The following UBASH3B variants were observed in gnomAD, a reference collection of about 807,000 sequenced individuals.
UBASH3B encodes the protein ubiquitin-associated and SH3 domain-containing protein B.
In UBASH3B, 37 loss-of-function variants were observed where a neutral mutation model predicts 83.4. The observed-to-expected ratio is 0.44, with a 90% confidence interval of 0.34 to 0.58. The LOEUF is 0.58. UBASH3B is among the 20% of genes least tolerant of loss of function. UBASH3B has a pLI of 0.01. For synonymous variants in UBASH3B, 304 were observed against 318.3 expected (o/e 0.96, Z 0.48); for missense variants, 657 against 827.2 (o/e 0.79, Z 2.52).
chr11:122,789,153 G>A lies in UBASH3B; in HGVS notation c.825G>A (p.Leu275=). The change falls in exon 6 of 14, where the codon CTG becomes CTA. Residue 275 remains leucine, a synonymous_variant. Coordinates refer to ENST00000284273, the MANE Select transcript of UBASH3B (RefSeq NM_032873.5). ...YTPQNDDELE[L]VPGDFIFMSP... ...CACAAAATGACGATGAGCTGGAGCT[G>A]GTCCCCGGGGACTTCATCTTCATGT... 1 of 1,614,060 alleles carries A rather than the reference G, an allele frequency of 6.2e-7. No individual in the cohort carries two copies. Among genetic ancestry groups the A allele is most frequent in the Non-Finnish European group, 8.5e-7 (1 of 1,180,010 alleles).
intron 1 of UBASH3B, among the ~76,000 whole-genome samples, chr11:122,725,072 C>G (rs1330862376): frequency 8.7e-6 from 1 of 114,522 alleles, no homozygotes; most frequent in Non-Finnish European, 1.7e-5. Context: ...CCGATTCAAT[C>G]AATTCTCCTG....
At chr11:122,685,936 C>G (rs1286130394) in intron 1 of UBASH3B, among the ~76,000 whole-genome samples, 1 of 152,164 alleles carries the variant, frequency 6.6e-6, no homozygotes. Context: ...ATGTTACCAC[C>G]ATTTATTGAG....
intron 1 of UBASH3B, among the ~76,000 whole-genome samples, chr11:122,727,961 G>A (rs1860772840): frequency 6.6e-6 from 1 of 151,984 alleles, no homozygotes; most frequent in Non-Finnish European, 1.5e-5. Flanking sequence ...CCTCACTGGG[G>A]ACCTTCTCCT....
chr11:122,703,369 G>A (rs1454240365), intron 1 of UBASH3B, among the ~76,000 whole-genome samples: 5 of 152,024 alleles, frequency 3.3e-5, no homozygotes, highest in Non-Finnish European at 7.4e-5. Context: ...GGAGGTTGCA[G>A]TGGGCCGAGA....
At chr11:122,770,570 C>T (rs989730594) in intron 1 of UBASH3B, among the ~76,000 whole-genome samples, 4 of 151,702 alleles carry the variant, frequency 2.6e-5, no homozygotes, top group Non-Finnish European at 4.4e-5. Context: ...GGATTACAAA[C>T]GCAAAGAGAC....
chr11:122,805,839 A>T (rs1231698690), intron 11 of UBASH3B, among the ~76,000 whole-genome samples: 1 of 152,222 alleles, frequency 6.6e-6, no homozygotes, highest in Non-Finnish European at 1.5e-5. Context: ...CCCCAACCAC[A>T]GGCAGAGAAC....
intron 1 of UBASH3B, among the ~76,000 whole-genome samples, chr11:122,743,845 T>G (rs1295273217): frequency 2.0e-5 from 3 of 152,158 alleles, no homozygotes; most frequent in Non-Finnish European, 4.4e-5. Context: ...AGAAGCAGTT[T>G]CCAAAGGAGA....
chr11:122,684,194 A>G (rs1271793451), intron 1 of UBASH3B, among the ~76,000 whole-genome samples: 1 of 152,202 alleles, frequency 6.6e-6, no homozygotes, highest in Admixed American at 6.5e-5. Flanking sequence ...CTGTGTGCAC[A>G]TTCAACCCAT....
chr11:122,769,596 A>T (rs1860608066), intron 1 of UBASH3B, among the ~76,000 whole-genome samples: 1 of 152,250 alleles, frequency 6.6e-6, no homozygotes, highest in South Asian at 2.1e-4. Flanking sequence ...GCCTCAGAGC[A>T]TCCTGTGAGG....
chr11:122,757,276 T>A (rs1441281859), intron 1 of UBASH3B, among the ~76,000 whole-genome samples: 2 of 152,066 alleles, frequency 1.3e-5, no homozygotes, highest in Non-Finnish European at 1.5e-5. Flanking sequence ...AACGGGATAG[T>A]CCCCTTGTGA....
chr11:122,665,034 A>G (rs7106171), intron 1 of UBASH3B, among the ~76,000 whole-genome samples: 7,115 of 152,122 alleles, frequency 0.047, 365 homozygotes, highest in East Asian at 0.13. Flanking sequence ...TCAGCCTCCC[A>G]AGTAGCTGGG....
At chr11:122,726,568 C>G (rs769635082) in intron 1 of UBASH3B, among the ~76,000 whole-genome samples, 2 of 152,004 alleles carry the variant, frequency 1.3e-5, no homozygotes, top group Non-Finnish European at 2.9e-5. Flanking sequence ...AGGCTGGTCT[C>G]GCACTCCTGA....
At chr11:122,784,761 G>T (rs1324141843) in intron 5 of UBASH3B, among the ~76,000 whole-genome samples, 1 of 152,186 alleles carries the variant, frequency 6.6e-6, no homozygotes, top group Non-Finnish European at 1.5e-5. Context: ...GAGGTTCAGG[G>T]TTAAGCATGC....
At chr11:122,682,537 C>T (rs1453428720) in intron 1 of UBASH3B, among the ~76,000 whole-genome samples, 2 of 152,194 alleles carry the variant, frequency 1.3e-5, no homozygotes, top group Non-Finnish European at 2.9e-5. Context: ...TTGAGAAACA[C>T]TTCTTTCTCC....
intron 1 of UBASH3B, among the ~76,000 whole-genome samples, chr11:122,744,178 T>C (rs1861073324): frequency 6.6e-6 from 1 of 152,072 alleles, no homozygotes; most frequent in Admixed American, 6.6e-5. Flanking sequence ...AAACCACCAA[T>C]AGATGGAAAA....
chr11:122,692,865 AAGTGTCCG>A (rs1324876860), intron 1 of UBASH3B, among the ~76,000 whole-genome samples: 12 of 152,236 alleles, frequency 7.9e-5, no homozygotes, highest in African/African-American at 2.4e-4. Context: ...ATAGTGTGAT[AAGTGTCCG>A]AGTGAAGAGA....
At position 122,813,137 on chromosome 11, in the gene UBASH3B, GTC is replaced by G. The variant is rs1425484440; in HGVS notation, c.*3253_*3254del. 2.0e-5 allele frequency: 3 copies of G among 152,496 alleles called. No individual in the cohort carries two copies. The highest frequency in any genetic ancestry group is 4.4e-5 in the Non-Finnish European group (3 of 68,026). 9.4% of individuals were successfully genotyped at this position (152,496 alleles called of 1,614,324 possible). ...TAAAAAATATGCCTTCTGGAGTGATGTCTGTTTGGTAAATCATTGTTGATAAT... is the reference window on the plus strand; with the variant it reads ...TAAAAAATATGCCTTCTGGAGTGATGTGTTTGGTAAATCATTGTTGATAAT... On this transcript the variant is annotated 3_prime_UTR_variant, in exon 14 of 14. Coordinates refer to ENST00000284273, the MANE Select transcript of UBASH3B (RefSeq NM_032873.5).
In UBASH3B at chr11:122,736,775, C is replaced by T. The variant is rs1026055914; in HGVS notation, c.162-39444C>T. 3.3e-5 allele frequency among the ~76,000 whole-genome samples: 5 copies of T among 152,040 alleles called. No homozygotes were observed. In the East Asian group the frequency reaches 7.7e-4, roughly 24 times the overall value. On this transcript the variant is annotated intron_variant, in intron 1 of 13. Coordinates refer to ENST00000284273, the MANE Select transcript of UBASH3B (RefSeq NM_032873.5). ...GAGATTTAAGGATCGGGAAGCCAGG[C>T]GTGGTGGTTCACACCCGCAATCTCA...
chr11:122,740,183 A>T (rs774671217), intron 1 of UBASH3B, among the ~76,000 whole-genome samples: 22 of 152,254 alleles, frequency 1.4e-4, no homozygotes, highest in Non-Finnish European at 2.2e-4. Context: ...TGGCAAAGCA[A>T]GATCTAAAGA....
Sources: gnomAD v4.1 joint callset for allele counts (sites outside exome capture counted in the v4.1 genomes callset) on GRCh38, gnomAD v4.1.1 for gene constraint, MANE v1.5 for transcripts, NCBI Gene and HGNC (gene_info 2026-07-23, HGNC 2026-07-21) for gene names.